Variants in GYG1 observed in about 807,000 individuals in gnomAD.
GYG1 encodes glycogenin-1.
Under a neutral mutation model 41.9 loss-of-function variants are expected in GYG1, and 44 were observed. The observed-to-expected ratio is 1.05, with a 90% CI of 0.83 to 1.35. The LOEUF is 1.35. Among genes scored for constraint, GYG1 ranks in the 40% most tolerant of loss-of-function variants. The pLI is 0.00. For synonymous variants in GYG1, 141 were observed against 158.1 expected (o/e 0.89, Z 0.81); for missense variants, 429 against 418.9 (o/e 1.02, Z -0.21).
intron 2 of GYG1, among the ~76,000 whole-genome samples, chr3:148,994,631 A>C (rs1576536815): frequency 6.6e-6 from 1 of 152,200 alleles, no homozygotes; most frequent in Non-Finnish European, 1.5e-5. Context: ...ATTCATGGAC[A>C]TTCCTTTCCC....
intron 4 of GYG1, among the ~76,000 whole-genome samples, chr3:148,997,108 G>A (rs1375120980): frequency 1.3e-5 from 2 of 151,908 alleles, no homozygotes; most frequent in Non-Finnish European, 2.9e-5. Flanking sequence ...CTATAGATGT[G>A]AAAGATTAAC....
At chr3:149,020,035 G>A (rs192857206) in intron 5 of GYG1, among the ~76,000 whole-genome samples, 1 of 152,310 alleles carries the variant, frequency 6.6e-6, no homozygotes, top group East Asian at 1.9e-4. Flanking sequence ...TCCAGAGACA[G>A]GAGCTGGGGA....
chr3:149,026,943 A>G lies in GYG1; in HGVS notation c.*10A>G, dbSNP rs764882055. ...CACTTACCTCCAGTAGAAACACTGCATTTTTCTGTGAACACATCCACTTCA... is the reference window on the plus strand; with the variant it reads ...CACTTACCTCCAGTAGAAACACTGCGTTTTTCTGTGAACACATCCACTTCA... On this transcript the variant is annotated 3_prime_UTR_variant, in exon 8 of 8. Transcript: ENST00000345003. 6 of 1,613,548 alleles carry G rather than the reference A, an allele frequency of 3.7e-6. No individual in the cohort carries two copies. The Admixed American group carries it at 1.0e-4, about 27-fold the overall frequency.
In GYG1 at chr3:149,009,327, A is replaced by G. The variant is rs752987232; in HGVS notation, c.533A>G (p.Asp178Gly). 9 of 1,613,244 alleles carry G rather than the reference A, an allele frequency of 5.6e-6. No homozygotes were observed. In the South Asian group the frequency reaches 6.6e-5, roughly 12 times the overall value. ...TTTTTTAGCAGCTGGGCAACAACAG[A>G]TATCAGAAAACACCTGCCGTTTATT... Reference protein sequence around the residue: ...NTFFSSWATTDIRKHLPFIYN... With the variant: ...NTFFSSWATTGIRKHLPFIYN... The change falls in exon 5 of 8, where the codon GAT becomes GGT. Residue 178 changes from aspartate to glycine, a missense_variant. Transcript: ENST00000345003.
Position 149,009,649 on chromosome 3 carries a change from C to T in GYG1, c.608+247C>T, listed in dbSNP as rs78025018. Among the ~76,000 whole-genome samples the T allele has an allele frequency of 0.024, 3,605 of 152,166 alleles. 97 individuals are homozygous for T. The highest frequency in any genetic ancestry group is 0.065 in the African/African-American group (2,694 of 41,476). The stretch of plus-strand genomic sequence containing the variant: ...CCCATCAGTTTCTGGGGTTCATGGC[C>T]CTCTGGTAAGTTATTAATATGTCAT... On this transcript the variant is annotated intron_variant, in intron 5 of 7. Coordinates refer to ENST00000345003, the MANE Select transcript of GYG1 (RefSeq NM_004130.4).
At chr3:149,018,891 A>C (rs979927118) in intron 5 of GYG1, among the ~76,000 whole-genome samples, 1 of 151,982 alleles carries the variant, frequency 6.6e-6, no homozygotes. Flanking sequence ...CGTCTCTACA[A>C]AAAATAAAAA....
At chr3:149,013,032 T>TGTGTGTG (rs61477065) in intron 5 of GYG1, among the ~76,000 whole-genome samples, 8 of 150,928 alleles carry the variant, frequency 5.3e-5, no homozygotes, top group South Asian at 2.1e-4. Flanking sequence ...TGTGTGTGTG[T>TGTGTGTG]TTTATAGAGA....
chr3:149,006,849 G>GCCTTTT (rs1323372766), intron 4 of GYG1, among the ~76,000 whole-genome samples: 2 of 152,202 alleles, frequency 1.3e-5, no homozygotes, highest in Non-Finnish European at 2.9e-5. Context: ...TCCAAAATAA[G>GCCTTTT]CCTTTAATGA....
intron 6 of GYG1, among the ~76,000 whole-genome samples, chr3:149,025,305 C>T (rs943021019): frequency 1.3e-5 from 2 of 152,164 alleles, no homozygotes; most frequent in Non-Finnish European, 2.9e-5. Context: ...AACCTAGATC[C>T]GTTGCATGCA....
chr3:149,005,389 A>C (rs1478646296), intron 4 of GYG1, among the ~76,000 whole-genome samples: 1 of 152,202 alleles, frequency 6.6e-6, no homozygotes, highest in Non-Finnish European at 1.5e-5. Flanking sequence ...TTCTTGTAAT[A>C]TAAATGTTAA....
At position 148,991,547 on chromosome 3, in the gene GYG1, C is replaced by T. The variant is rs1712456059; in HGVS notation, c.-94C>T. 4.7e-6 allele frequency: 7 copies of T among 1,492,168 alleles called. No individual in the cohort carries two copies. The highest frequency in any genetic ancestry group is 1.2e-5 in the South Asian group (1 of 82,786). The allele number at this position is 1,492,168 out of a possible 1,614,324, so 92.4% of individuals were successfully genotyped here. A position where few individuals can be genotyped will look rare whatever the true frequency, so the allele number is the denominator to read the frequency against. On this transcript the variant is annotated 5_prime_UTR_variant, in exon 1 of 8. Transcript: ENST00000345003. ...ACGGGGCAGACGCTCGGTTCCCCGCCGTGCCTCCTCGCTGGCCGCGCTCCC... is the reference window on the plus strand; with the variant it reads ...ACGGGGCAGACGCTCGGTTCCCCGCTGTGCCTCCTCGCTGGCCGCGCTCCC...
At chr3:149,003,750 T>TG (rs1214022904) in intron 4 of GYG1, among the ~76,000 whole-genome samples, 1 of 151,976 alleles carries the variant, frequency 6.6e-6, no homozygotes, top group East Asian at 1.9e-4. Flanking sequence ...CGGGCCACAG[T>TG]TTGAGGAGCA....
intron 2 of GYG1, 70 bp downstream of exon 2, chr3:148,994,347 G>T: frequency 6.7e-7 from 1 of 1,485,488 alleles, no homozygotes; most frequent in South Asian, 1.1e-5. Flanking sequence ...TGACATCATT[G>T]GACATTGAGG....
rs1420493969 is a variant in GYG1, at chr3:149,027,959, TC to T, written c.*1029del. 6.6e-6 allele frequency among the ~76,000 whole-genome samples: 1 copy of T among 152,188 alleles called. No individual in the cohort carries two copies. Among genetic ancestry groups the T allele is most frequent in the Non-Finnish European group, 1.5e-5 (1 of 68,034 alleles). ...CTGTCAGAATCAATACTGGGTCCAG[TC>T]CCTACTAGTATTTTATCTATGATTT... On this transcript the variant is annotated 3_prime_UTR_variant, in exon 8 of 8. Coordinates refer to ENST00000345003, the MANE Select transcript of GYG1 (RefSeq NM_004130.4).
At chr3:148,996,255 G>A in intron 2 of GYG1, 47 bp from the exon 3 acceptor site, 3 of 1,392,858 alleles carry the variant, frequency 2.2e-6, no homozygotes, top group South Asian at 1.2e-5. Flanking sequence ...TGGGTCACTT[G>A]TTCTGAAAAG....
intron 3 of GYG1, 84 bp downstream of exon 3, chr3:148,996,560 A>C (rs1461338205): frequency 7.6e-7 from 1 of 1,318,792 alleles, no homozygotes; most frequent in Non-Finnish European, 1.1e-6. Context: ...AATGCTGTCA[A>C]GACTTGACGG....
intron 1 of GYG1, 142 bp from the exon 2 acceptor site, chr3:148,994,000 A>G (rs1712640454): frequency 1.3e-6 from 1 of 761,378 alleles, no homozygotes; most frequent in Non-Finnish European, 2.3e-6. Flanking sequence ...TTTTCTCCCC[A>G]AAGGGCTACA....
chr3:149,015,825 A>T (rs1713990933), intron 5 of GYG1, among the ~76,000 whole-genome samples: 1 of 152,058 alleles, frequency 6.6e-6, no homozygotes, highest in South Asian at 2.1e-4. Context: ...GATAGATGTC[A>T]CCACAGCATG....
chr3:149,005,862 C>T (rs532201697), intron 4 of GYG1, among the ~76,000 whole-genome samples: 2 of 152,276 alleles, frequency 1.3e-5, no homozygotes, highest in South Asian at 2.1e-4. Flanking sequence ...CCTTACATAA[C>T]TAAAATGTAT....
Sources: allele counts gnomAD v4.1 joint callset (sites outside exome capture counted in the v4.1 genomes callset), GRCh38; gene constraint gnomAD v4.1.1; transcripts MANE v1.5; gene names NCBI Gene and HGNC (gene_info 2026-07-23, HGNC 2026-07-21).